CLIP1: variants seen among roughly 807,000 people sequenced by gnomAD.
The protein encoded by CLIP1 is CAP-Gly domain containing linker protein 1, also known as CAP-Gly domain-containing linker protein 1.
A neutral mutation model predicts 161.6 loss-of-function variants in CLIP1; 66 were observed. The observed-to-expected ratio is 0.41, with a 90% CI of 0.33 to 0.50. The LOEUF is 0.50. CLIP1 is among the 20% of genes least tolerant of loss of function. The probability of loss-of-function intolerance (pLI) is 0.27; values close to 1 mark genes in which losing one functional copy is unlikely to be tolerated. For missense variants in CLIP1, 1,376 were observed against 1,702.0 expected (o/e 0.81, Z 3.37); for synonymous variants, 598 against 626.2 (o/e 0.96, Z 0.67).
At position 122,311,549 on chromosome 12, in the gene CLIP1, T is replaced by G. The variant is rs376910811; in HGVS notation, c.3474-1667A>C. Among the ~76,000 whole-genome samples the G allele has an allele frequency of 6.6e-4, 101 of 152,076 alleles. 1 individual carries two copies. In the South Asian group the frequency reaches 0.02, roughly 31 times the overall value. On this transcript the variant is annotated intron_variant, in intron 19 of 25. Coordinates refer to ENST00000620786, the MANE Select transcript of CLIP1 (RefSeq NM_001247997.2). The surrounding 1 kb of genome is among the most constrained non-coding windows in gnomAD (Gnocchi z 4.3). The stretch of plus-strand genomic sequence containing the variant: ...ACGCCATTCTCCTGCCTCAGCCTCC[T>G]GAGTAACTGGGACTACAGGTGTCCG...
In CLIP1 at chr12:122,274,019, A is replaced by T; in HGVS notation, c.4091+19T>A. The T allele has an allele frequency of 6.2e-7, 1 of 1,611,702 alleles. No individual in the cohort carries two copies. The stretch of plus-strand genomic sequence containing the variant: ...AAGTGCTGGGATTATAGCAATCAGT[A>T]TGTCTTCATATGAAATACCTGTCAT... On this transcript the variant is annotated intron_variant, in intron 25 of 25. Transcript: ENST00000620786.
At position 122,273,016 on chromosome 12, in the gene CLIP1, A is replaced by G; in HGVS notation, c.4176T>C (p.Asp1392=). ...CTGACATCTGTGCCTGGGTAGGACA[A>G]TCCTCTGTGTCGTGGAGATCAAAGC... The part of the protein sequence containing the change: ...CDCFDLHDTE[D]CPTQAQMSED... Residue 1392 remains aspartate, a synonymous_variant, in exon 26 of 26, where the codon GAT becomes GAC. Transcript: ENST00000620786. The G allele has an allele frequency of 6.2e-7, 1 of 1,614,212 alleles. No homozygotes were observed. The highest frequency in any genetic ancestry group is 1.3e-5 in the African/African-American group (1 of 75,048).
intron 20 of CLIP1, among the ~76,000 whole-genome samples, chr12:122,298,395 G>T: frequency 6.6e-6 from 1 of 151,964 alleles, no homozygotes; most frequent in Non-Finnish European, 1.5e-5. Flanking sequence ...GATCACCTGA[G>T]GTCGAGTTCA....
intron 4 of CLIP1, among the ~76,000 whole-genome samples, chr12:122,363,423 G>A (rs1369973459): frequency 1.3e-5 from 2 of 151,852 alleles, no homozygotes; most frequent in Non-Finnish European, 2.9e-5. Flanking sequence ...ATCCAGAAGG[G>A]GGAGGTTGCA....
chr12:122,315,417 C>G (rs1275580866), intron 19 of CLIP1, among the ~76,000 whole-genome samples: 1 of 151,770 alleles, frequency 6.6e-6, no homozygotes, highest in Non-Finnish European at 1.5e-5. Flanking sequence ...AATAGAAGAC[C>G]AAATGAAATC....
At position 122,355,133 on chromosome 12, in the gene CLIP1, G is replaced by A; in HGVS notation, c.1185C>T (p.Ala395=). ...ACTTCACCTGGTCATGTCCGTCCCG[G>A]GCCAGAGCTAGCTCCTGCTCTATCT... ...VGEIEQELAL[A]RDGHDQHVLE... Residue 395 remains alanine (A), a synonymous_variant, in exon 6 of 26, where the codon GCC becomes GCT. Transcript: ENST00000620786. This position sits in a 1 kb window ranked among gnomAD's most constrained non-coding sequence, Gnocchi z 4.1. 6.2e-7 allele frequency: 1 copy of A among 1,614,084 alleles called. No individual in the cohort carries two copies. Among genetic ancestry groups the A allele is most frequent in the Middle Eastern group, 1.7e-4 (1 of 6,058 alleles).
chr12:122,320,102 G>A (rs1348734971), intron 17 of CLIP1, among the ~76,000 whole-genome samples: 1 of 151,596 alleles, frequency 6.6e-6, no homozygotes, highest in Non-Finnish European at 1.5e-5. Flanking sequence ...GTGAAACCCC[G>A]TCTCTAATAA....
chr12:122,288,416 T>G (rs1395357932), intron 21 of CLIP1, 73 bp downstream of exon 21: 1 of 1,319,874 alleles, frequency 7.6e-7, no homozygotes, highest in African/African-American at 1.5e-5. Context: ...TTTTCTACTA[T>G]AAGTTACCAC....
intron 1 of CLIP1, among the ~76,000 whole-genome samples, chr12:122,419,095 G>C (rs1485208266): frequency 6.6e-6 from 1 of 152,096 alleles, no homozygotes. Flanking sequence ...AAACAGATGG[G>C]CACGGTGGCT....
In CLIP1 at chr12:122,368,466, ACT is replaced by A. The variant is rs201837791; in HGVS notation, c.658-4361_658-4360del. ...AGGAAACAGAAACAATCCTCTCTGG[ACT>A]CTCTCATCTCTTCATTATCCAGTTC... On this transcript the variant is annotated intron_variant, in intron 3 of 25. Coordinates refer to ENST00000620786, the MANE Select transcript of CLIP1 (RefSeq NM_001247997.2). Among the ~76,000 whole-genome samples the A allele has an allele frequency of 8.2e-3, 1,239 of 152,014 alleles. 17 individuals are homozygous for A. The highest frequency in any genetic ancestry group is 0.03 in the South Asian group (145 of 4,806).
At chr12:122,377,291 A>C (rs539577808) in intron 3 of CLIP1, 98 bp downstream of exon 3, 2 of 1,128,686 alleles carry the variant, frequency 1.8e-6, no homozygotes, top group East Asian at 4.7e-5. Flanking sequence ...TATAGGTGTG[A>C]GCCACCGCGC....
intron 15 of CLIP1, among the ~76,000 whole-genome samples, chr12:122,331,885 C>T (rs1447225952): frequency 6.6e-6 from 1 of 151,896 alleles, no homozygotes; most frequent in Non-Finnish European, 1.5e-5. Context: ...GTCCCAGCTA[C>T]TAGGGAGGCT....
intron 21 of CLIP1, among the ~76,000 whole-genome samples, chr12:122,283,087 G>A (rs1955709595): frequency 1.3e-5 from 2 of 152,098 alleles, no homozygotes; most frequent in South Asian, 2.1e-4. Context: ...TCCATGCCTC[G>A]CGCCTTTGGC....
chr12:122,315,843 G>C (rs895569603), intron 19 of CLIP1, among the ~76,000 whole-genome samples: 24 of 151,540 alleles, frequency 1.6e-4, no homozygotes, highest in Non-Finnish European at 2.4e-4. Context: ...GGGTTTCACC[G>C]TGTTAGCCAG....
At chr12:122,292,223 G>C (rs533167099) in intron 20 of CLIP1, among the ~76,000 whole-genome samples, 1 of 150,652 alleles carries the variant, frequency 6.6e-6, no homozygotes, top group Non-Finnish European at 1.5e-5. Flanking sequence ...GGCTGGTCTC[G>C]AACTCCTGGC....
At chr12:122,402,229 C>CTTT (rs1956168585) in intron 1 of CLIP1, among the ~76,000 whole-genome samples, 3 of 152,122 alleles carry the variant, frequency 2.0e-5, no homozygotes, top group Non-Finnish European at 4.4e-5. Context: ...TAATCAAGGG[C>CTTT]TGGGCACGGT....
chr12:122,336,949 T>C (rs1258839242), intron 11 of CLIP1, among the ~76,000 whole-genome samples: 1 of 148,848 alleles, frequency 6.7e-6, no homozygotes, highest in Non-Finnish European at 1.5e-5. Context: ...GATTTCCTAA[T>C]GGCTATTTTT....
chr12:122,346,616 C>T (rs1455883898), intron 10 of CLIP1, among the ~76,000 whole-genome samples: 1 of 152,236 alleles, frequency 6.6e-6, no homozygotes, highest in Admixed American at 6.5e-5. Context: ...AATCCTCCTG[C>T]CTCAGCCTCC....
Position 122,355,028 on chromosome 12 carries a change from C to T in CLIP1, c.1203+87G>A, listed in dbSNP as rs1057360706. 2.5e-6 allele frequency: 3 copies of T among 1,193,674 alleles called. No homozygotes were observed. The highest frequency in any genetic ancestry group is 1.5e-5 in the African/African-American group (1 of 66,148). 73.9% of individuals were successfully genotyped at this position (1,193,674 alleles called of 1,614,324 possible). A position where few individuals can be genotyped will look rare whatever the true frequency, so the allele number is the denominator to read the frequency against. Reference sequence around the variant, plus strand: ...ATTTCTTGTGCTCTCAAGTCTAGCTCCTCGGTGCCAAGCACCGGGCATGCT... The same window carrying T: ...ATTTCTTGTGCTCTCAAGTCTAGCTTCTCGGTGCCAAGCACCGGGCATGCT... On this transcript the variant is annotated intron_variant, in intron 6 of 25. Coordinates refer to ENST00000620786, the MANE Select transcript of CLIP1 (RefSeq NM_001247997.2). This position sits in a 1 kb window ranked among gnomAD's most constrained non-coding sequence, Gnocchi z 4.1.
Sources: allele counts gnomAD v4.1 joint callset (sites outside exome capture counted in the v4.1 genomes callset), GRCh38; gene constraint gnomAD v4.1.1; non-coding constraint Gnocchi (gnomAD v3.1); transcripts MANE v1.5; gene names NCBI Gene and HGNC (gene_info 2026-07-23, HGNC 2026-07-21).